The following KCNH5 variants were observed in gnomAD, a reference collection of about 807,000 sequenced individuals.
The protein encoded by KCNH5 is voltage-gated delayed rectifier potassium channel KCNH5.
Under a neutral mutation model 96.1 loss-of-function variants are expected in KCNH5, and 46 were observed. That is an observed-to-expected ratio of 0.48 (90% confidence interval 0.38 to 0.61). KCNH5 has a LOEUF of 0.61. Ranked by LOEUF, KCNH5 falls within the 20% of genes least tolerant of loss-of-function variation. The probability of loss-of-function intolerance (pLI) is 0.00; values close to 1 mark genes in which losing one functional copy is unlikely to be tolerated. For synonymous variants in KCNH5, 439 were observed against 449.8 expected, an observed-to-expected ratio of 0.98 and a Z score of 0.30; for missense variants, 907 against 1,225.8, an observed-to-expected ratio of 0.74 and a Z score of 3.88.
At chr14:62,816,097 T>G (rs1428891682) in intron 8 of KCNH5, among the ~76,000 whole-genome samples, 1 of 151,960 alleles carries the variant, frequency 6.6e-6, no homozygotes, top group Non-Finnish European at 1.5e-5. Flanking sequence ...TGTGTGCATA[T>G]AGATTTTTTA....
intron 7 of KCNH5, among the ~76,000 whole-genome samples, chr14:62,922,871 G>A (rs543828273): frequency 4.0e-4 from 61 of 151,920 alleles, no homozygotes; most frequent in African/African-American, 1.3e-3. Flanking sequence ...AGCCTTTTCC[G>A]TAAGATCAGA....
intron 7 of KCNH5, among the ~76,000 whole-genome samples, chr14:62,861,856 C>T (rs1005957929): frequency 6.6e-5 from 10 of 152,038 alleles, no homozygotes; most frequent in African/African-American, 2.4e-4. Flanking sequence ...TTTCCTATGA[C>T]CTTGAATTTA....
At chr14:62,925,066 A>G (rs1566709932) in intron 7 of KCNH5, among the ~76,000 whole-genome samples, 1 of 151,942 alleles carries the variant, frequency 6.6e-6, no homozygotes, top group African/African-American at 2.4e-5. Context: ...CAATCTGCAC[A>G]TTTTATATAT....
At chr14:62,755,516 C>T (rs1885602801) in intron 10 of KCNH5, among the ~76,000 whole-genome samples, 1 of 152,110 alleles carries the variant, frequency 6.6e-6, no homozygotes. Flanking sequence ...AGAACTAATA[C>T]CAATCCTATT....
intron 8 of KCNH5, among the ~76,000 whole-genome samples, chr14:62,831,313 T>C (rs1444213723): frequency 6.6e-6 from 1 of 152,210 alleles, no homozygotes; most frequent in East Asian, 1.9e-4. Context: ...TTTTCTGTTT[T>C]CATCTGAACT....
chr14:62,994,068 A>G (rs1890862826), intron 4 of KCNH5, among the ~76,000 whole-genome samples: 1 of 152,102 alleles, frequency 6.6e-6, no homozygotes, highest in Non-Finnish European at 1.5e-5. Flanking sequence ...GAAGTCACAG[A>G]GGCAGTTAAA....
chr14:62,918,816 A>G (rs986438383), intron 7 of KCNH5, among the ~76,000 whole-genome samples: 1 of 151,806 alleles, frequency 6.6e-6, no homozygotes, highest in African/African-American at 2.4e-5. Flanking sequence ...TATATCCAAT[A>G]AAAAAAATGC....
intron 10 of KCNH5, among the ~76,000 whole-genome samples, chr14:62,778,404 C>G (rs1886142774): frequency 6.6e-6 from 1 of 152,150 alleles, no homozygotes; most frequent in Non-Finnish European, 1.5e-5. Flanking sequence ...CAAGGGCCAA[C>G]CACACTACAA....
chr14:62,933,609 T>C (rs1889622037), intron 7 of KCNH5, among the ~76,000 whole-genome samples: 1 of 152,000 alleles, frequency 6.6e-6, no homozygotes, highest in African/African-American at 2.4e-5. Context: ...TTCTCTCCAA[T>C]AATCATGTAA....
In KCNH5 at chr14:62,945,335, C is replaced by A. The variant is rs1375914541; in HGVS notation, c.1369+4798G>T. Among the ~76,000 whole-genome samples the A allele has an allele frequency of 2.0e-5, 3 of 152,198 alleles. No homozygotes were observed. In the East Asian group the frequency reaches 5.8e-4, roughly 29 times the overall value. ...AGACAATGCAGGTGAGCTTACCAGG[C>A]CTTTCACAAAGGAATCGGGGTCAAA... On this transcript the variant is annotated intron_variant, in intron 7 of 10. Transcript: ENST00000322893.
At chr14:62,959,716 C>G (rs1315122021) in intron 6 of KCNH5, among the ~76,000 whole-genome samples, 1 of 152,078 alleles carries the variant, frequency 6.6e-6, no homozygotes, top group African/African-American at 2.4e-5. Flanking sequence ...GAAACTTGTT[C>G]TGAATCAGTT....
chr14:62,940,708 C>T (rs1369355192), intron 7 of KCNH5, among the ~76,000 whole-genome samples: 1 of 152,172 alleles, frequency 6.6e-6, no homozygotes, highest in African/African-American at 2.4e-5. Context: ...TAAGTCCTGC[C>T]TCATTTACCT....
At chr14:62,967,532 A>C (rs1890326970) in intron 6 of KCNH5, among the ~76,000 whole-genome samples, 1 of 152,180 alleles carries the variant, frequency 6.6e-6, no homozygotes, top group Non-Finnish European at 1.5e-5. Flanking sequence ...ACCTAAATAT[A>C]AACAACACTT....
intron 10 of KCNH5, among the ~76,000 whole-genome samples, chr14:62,736,229 A>C (rs1885153388): frequency 6.6e-6 from 1 of 152,298 alleles, no homozygotes; most frequent in African/African-American, 2.4e-5. Flanking sequence ...TTGACATGTA[A>C]GATGAAAACA....
intron 7 of KCNH5, among the ~76,000 whole-genome samples, chr14:62,928,144 G>C (rs1889510287): frequency 6.6e-6 from 1 of 152,086 alleles, no homozygotes; most frequent in African/African-American, 2.4e-5. Context: ...AGTGAACTAA[G>C]CATTCCTGGA....
In KCNH5 at chr14:62,822,848, T is replaced by TA. The variant is rs770593756; in HGVS notation, c.1570-20268dup. 3.9e-5 allele frequency among the ~76,000 whole-genome samples: 6 copies of TA among 152,160 alleles called. No individual in the cohort carries two copies. In the East Asian group the frequency reaches 9.7e-4, roughly 25 times the overall value. ...AAAGAACACCAAAAATTTAATCCTT[T>TA]AAAAAACCATACAGTGCAAATACTA... is the stretch of plus-strand genomic sequence containing the variant. On this transcript the variant is annotated intron_variant, in intron 8 of 10. Transcript: ENST00000322893.
chr14:62,850,067 C>A (rs1456397916), intron 7 of KCNH5, among the ~76,000 whole-genome samples: 9 of 152,070 alleles, frequency 5.9e-5, no homozygotes, highest in Non-Finnish European at 8.8e-5. Flanking sequence ...ATGCAGAGCT[C>A]TAGTCAACAT....
At position 62,957,161 on chromosome 14, in the gene KCNH5, C is replaced by CA. The variant is rs550173024; in HGVS notation, c.943-6603dup. Among the ~76,000 whole-genome samples, 36 of 152,298 alleles carry CA rather than the reference C, an allele frequency of 2.4e-4. No homozygotes were observed. The South Asian group carries it at 5.8e-3, about 25-fold the overall frequency. ...AGCACAAGGAACAGTATCCAGGAGA[C>CA]ACCTCTGTGCCATTAACCCTTCAAG... On this transcript the variant is annotated intron_variant, in intron 6 of 10. Transcript: ENST00000322893.
intron 7 of KCNH5, among the ~76,000 whole-genome samples, chr14:62,926,940 T>C (rs1172103084): frequency 2.6e-5 from 4 of 152,120 alleles, no homozygotes; most frequent in African/African-American, 9.7e-5. Context: ...TGTCCCCATT[T>C]CACACAGAAT....
Sources: allele counts gnomAD v4.1 joint callset (sites outside exome capture counted in the v4.1 genomes callset), GRCh38; gene constraint gnomAD v4.1.1; transcripts MANE v1.5; gene names NCBI Gene and HGNC (gene_info 2026-07-23, HGNC 2026-07-21).